The following SHQ1 variants were observed in gnomAD, a reference collection of about 807,000 sequenced individuals.
SHQ1 encodes SHQ1, H/ACA ribonucleoprotein assembly factor, also known as protein SHQ1 homolog.
In SHQ1, 49 loss-of-function variants were observed where a neutral mutation model predicts 53.8. The ratio of observed to expected loss-of-function variants is 0.91; its 90% CI spans 0.72 to 1.16. The LOEUF (loss-of-function observed/expected upper bound fraction) is 1.16, where lower values mean the gene tolerates loss of function less well. Ranked by LOEUF, SHQ1 falls within the 50% of genes most tolerant of loss-of-function variation. The pLI, the probability that SHQ1 is intolerant of heterozygous loss-of-function variation, is 0.00. For missense variants in SHQ1, 738 were observed against 683.1 expected (o/e 1.08, Z -0.90); for synonymous variants, 243 against 251.0 (o/e 0.97, Z 0.30).
At chr3:72,747,620 A>G (rs1196762051), downstream of SHQ1, among the ~76,000 whole-genome samples, 1 of 152,208 alleles carries the variant, frequency 6.6e-6, no homozygotes, top group African/African-American at 2.4e-5. Flanking sequence ...AGAGCTCCAG[A>G]GAGGAGAGAG....
intron 6 of SHQ1, among the ~76,000 whole-genome samples, chr3:72,818,955 T>C (rs1396607641): frequency 2.0e-5 from 3 of 152,114 alleles, no homozygotes; most frequent in Admixed American, 1.3e-4. Flanking sequence ...GAAGAAGACC[T>C]TGAGCTCCAG....
intron 9 of SHQ1, among the ~76,000 whole-genome samples, chr3:72,797,164 G>A (rs1308807287): frequency 2.0e-5 from 3 of 151,844 alleles, no homozygotes; most frequent in South Asian, 2.1e-4. Flanking sequence ...AGGCTGAGGC[G>A]AGAGAATCAC....
intron 10 of SHQ1, among the ~76,000 whole-genome samples, chr3:72,786,913 G>A (rs894663995): frequency 2.6e-5 from 4 of 152,208 alleles, no homozygotes; most frequent in African/African-American, 7.2e-5. Context: ...AGGAACAACA[G>A]AGAGCCAGAA....
chr3:72,783,489 T>C (rs9882030), intron 10 of SHQ1, among the ~76,000 whole-genome samples: 8,609 of 151,888 alleles, frequency 0.057, 755 homozygotes, highest in African/African-American at 0.18. Context: ...TGCCCAGTTT[T>C]GCTTTGTTGA....
intron 1 of SHQ1, among the ~76,000 whole-genome samples, chr3:72,844,961 A>T (rs1223953410): frequency 6.6e-6 from 1 of 152,232 alleles, no homozygotes; most frequent in Non-Finnish European, 1.5e-5. Context: ...CATCCTCAAG[A>T]TATCTCATTA....
At chr3:72,797,615 G>A (rs1374780387) in intron 9 of SHQ1, among the ~76,000 whole-genome samples, 2 of 152,166 alleles carry the variant, frequency 1.3e-5, no homozygotes, top group African/African-American at 4.8e-5. Flanking sequence ...TATATTGCAA[G>A]GCAGTTTTGA....
rs1438636358 is a variant in SHQ1, at chr3:72,770,172, T to C, written c.1182-19336A>G. 2.0e-5 allele frequency among the ~76,000 whole-genome samples: 3 copies of C among 152,226 alleles called. No individual in the cohort carries two copies. The East Asian group carries it at 5.8e-4, about 29-fold the overall frequency. Reference sequence around the variant, plus strand: ...TTCTTAGCAAATATTATTGACCACTTACTCTGTGTTAACATGTTCTAAACA... The same window carrying C: ...TTCTTAGCAAATATTATTGACCACTCACTCTGTGTTAACATGTTCTAAACA... On this transcript the variant is annotated intron_variant, in intron 10 of 10. Transcript: ENST00000325599.
chr3:72,799,150 T>G (rs1471493658), intron 9 of SHQ1, among the ~76,000 whole-genome samples: 2 of 149,960 alleles, frequency 1.3e-5, no homozygotes, highest in African/African-American at 2.5e-5. Flanking sequence ...GGACTCCATC[T>G]CTACAAAAAA....
intron 6 of SHQ1, among the ~76,000 whole-genome samples, chr3:72,819,439 T>C (rs1019881911): frequency 6.6e-5 from 10 of 152,200 alleles, no homozygotes; most frequent in African/African-American, 2.4e-4. Flanking sequence ...TAGTCAAATA[T>C]GTCCATTTTT....
At chr3:72,819,905 C>T (rs1707425065) in intron 6 of SHQ1, among the ~76,000 whole-genome samples, 1 of 152,088 alleles carries the variant, frequency 6.6e-6, no homozygotes, top group South Asian at 2.1e-4. Context: ...AGAAAGCATA[C>T]CTGACAAAAT....
intron 10 of SHQ1, chr3:72,772,579 T>C: frequency 1.4e-6 from 1 of 700,238 alleles, no homozygotes; most frequent in Non-Finnish European, 2.7e-6. Context: ...TCCAGAACCA[T>C]TTTTGATTAA....
chr3:72,839,569 T>C (rs1312906141), intron 4 of SHQ1, among the ~76,000 whole-genome samples: 1 of 152,146 alleles, frequency 6.6e-6, no homozygotes, highest in Non-Finnish European at 1.5e-5. Flanking sequence ...AAGACAGCCT[T>C]ATAAAGTAGG....
chr3:72,837,424 C>T (rs76450880), intron 4 of SHQ1, among the ~76,000 whole-genome samples: 2,930 of 152,200 alleles, frequency 0.019, 81 homozygotes, highest in Middle Eastern at 0.058. Flanking sequence ...AAAGATCCCT[C>T]AGTGTTGAAA....
intron 10 of SHQ1, among the ~76,000 whole-genome samples, chr3:72,752,487 G>A (rs1378357789): frequency 1.3e-5 from 2 of 152,056 alleles, no homozygotes; most frequent in Non-Finnish European, 2.9e-5. Flanking sequence ...GCAGCATGGA[G>A]TGCTTTTTCT....
At chr3:72,748,329 C>CA (rs572927520), downstream of SHQ1, among the ~76,000 whole-genome samples, 2,263 of 58,598 alleles carry the variant, frequency 0.039, 553 homozygotes, top group East Asian at 0.18. Flanking sequence ...ATGAGGCATG[C>CA]AAAAAAAAAA....
At chr3:72,782,299 A>AT (rs1706094732) in intron 10 of SHQ1, among the ~76,000 whole-genome samples, 2 of 152,236 alleles carry the variant, frequency 1.3e-5, no homozygotes, top group Admixed American at 1.3e-4. Flanking sequence ...TGCTCTGCTA[A>AT]TATCTATGTT....
At chr3:72,846,945 T>C (rs1708351835) in intron 1 of SHQ1, among the ~76,000 whole-genome samples, 2 of 152,364 alleles carry the variant, frequency 1.3e-5, no homozygotes, top group South Asian at 2.1e-4. Flanking sequence ...TTGGCTTAAA[T>C]ATCGCCTCCC....
At chr3:72,824,722 A>G (rs1221467939) in intron 5 of SHQ1, among the ~76,000 whole-genome samples, 171 bp from the exon 6 acceptor site, 4 of 152,110 alleles carry the variant, frequency 2.6e-5, no homozygotes, top group African/African-American at 4.8e-5. Context: ...AACCACAAAC[A>G]TAAGTTATTT....
At chr3:72,751,508 G>GTGTGTGTGTGTGTGTGTATATATATA in intron 10 of SHQ1, among the ~76,000 whole-genome samples, 1 of 116,984 alleles carries the variant, frequency 8.5e-6, no homozygotes, top group African/African-American at 4.4e-5. Context: ...GTGTGTGTGT[G>GTGTGTGTGTGTGTGTGTATATATATA]TATATATATA....
Sources: gnomAD v4.1 joint callset for allele counts (sites outside exome capture counted in the v4.1 genomes callset) on GRCh38, gnomAD v4.1.1 for gene constraint, MANE v1.5 for transcripts, NCBI Gene and HGNC (gene_info 2026-07-23, HGNC 2026-07-21) for gene names.